Variants in KAZN observed in about 807,000 individuals in gnomAD.
KAZN encodes the protein kazrin.
In KAZN, 40 loss-of-function variants were observed where a neutral mutation model predicts 87.4. The ratio of observed to expected loss-of-function variants is 0.46; its 90% CI spans 0.36 to 0.60. KAZN has a LOEUF of 0.60. Ranked by LOEUF, KAZN falls within the 20% of genes least tolerant of loss-of-function variation. KAZN has a pLI of 0.00. For missense variants in KAZN, 898 were observed against 1,073.9 expected (o/e 0.84, Z 2.29); for synonymous variants, 466 against 458.3 (o/e 1.02, Z -0.22).
At chr1:14,514,474 A>T (rs1433877901) in intron 2 of KAZN, among the ~76,000 whole-genome samples, 1 of 1,010 alleles carries the variant, frequency 9.9e-4, no homozygotes, top group African/African-American at 3.0e-3. Context: ...TTATATAAAT[A>T]TTTTATATAA....
At chr1:14,692,271 TG>T in intron 1 of KAZN, 1 of 698,118 alleles carries the variant, frequency 1.4e-6, no homozygotes, top group Non-Finnish European at 2.1e-6. Flanking sequence ...GATCATCATC[TG>T]GGATTCTTGT....
chr1:14,346,381 C>G (rs138064534), intron 2 of KAZN, among the ~76,000 whole-genome samples: 2 of 152,142 alleles, frequency 1.3e-5, no homozygotes, highest in South Asian at 4.1e-4. Context: ...GGGACAGAAG[C>G]GAATCCCTCT....
chr1:14,522,213 G>A (rs181085625), intron 2 of KAZN, among the ~76,000 whole-genome samples: 16 of 152,230 alleles, frequency 1.1e-4, no homozygotes, highest in African/African-American at 2.9e-4. Context: ...GCATAGGCAC[G>A]GCTGTATAAT....
chr1:14,711,568 T>G (rs74061314), intron 1 of KAZN, among the ~76,000 whole-genome samples: 5,724 of 152,164 alleles, frequency 0.038, 381 homozygotes, highest in African/African-American at 0.13. Context: ...CAAGATTAGG[T>G]TATGAAGGAC....
intron 1 of KAZN, among the ~76,000 whole-genome samples, chr1:14,027,367 G>A (rs1250764389): frequency 6.6e-6 from 1 of 152,172 alleles, no homozygotes; most frequent in Non-Finnish European, 1.5e-5. Context: ...TGATGCTAAT[G>A]CCATAGCTCC....
At chr1:14,677,692 T>G (rs2148752171) in intron 1 of KAZN, among the ~76,000 whole-genome samples, 1 of 152,286 alleles carries the variant, frequency 6.6e-6, no homozygotes, top group Non-Finnish European at 1.5e-5. Flanking sequence ...GCCTTGGGAA[T>G]TATTTATTGA....
At chr1:14,355,011 C>G (rs1658892081) in intron 2 of KAZN, among the ~76,000 whole-genome samples, 2 of 151,786 alleles carry the variant, frequency 1.3e-5, no homozygotes, top group South Asian at 4.2e-4. Context: ...TATTACTGAG[C>G]AATTAAAAAA....
At chr1:14,446,544 C>T (rs1333543573) in intron 2 of KAZN, among the ~76,000 whole-genome samples, 2 of 152,172 alleles carry the variant, frequency 1.3e-5, no homozygotes, top group African/African-American at 4.8e-5. Context: ...TGGTTAATTC[C>T]AGTATGAGCT....
At chr1:14,741,816 T>C (rs1437643316) in intron 1 of KAZN, among the ~76,000 whole-genome samples, 2 of 152,158 alleles carry the variant, frequency 1.3e-5, no homozygotes, top group Non-Finnish European at 2.9e-5. Context: ...AAAATTCCAT[T>C]CTGGTGGCAT....
At chr1:13,935,648 G>A (rs1434264618) in intron 1 of KAZN, among the ~76,000 whole-genome samples, 1 of 152,188 alleles carries the variant, frequency 6.6e-6, no homozygotes, top group Non-Finnish European at 1.5e-5. Context: ...TGGCCTATAA[G>A]CCACAAACAC....
At chr1:14,986,137 G>A (rs541261386) in intron 2 of KAZN, among the ~76,000 whole-genome samples, 28 of 151,998 alleles carry the variant, frequency 1.8e-4, no homozygotes, top group Admixed American at 9.8e-4. Context: ...ATCCTGGATC[G>A]GAGGGGTGAA....
At chr1:15,024,893 C>T (rs1671026915) in intron 2 of KAZN, among the ~76,000 whole-genome samples, 1 of 152,180 alleles carries the variant, frequency 6.6e-6, no homozygotes, top group African/African-American at 2.4e-5. Context: ...CCGAGATCAC[C>T]AGGACTGATG....
rs534887291 is a variant in KAZN at position 14,647,192 on chromosome 1, C to T, written c.226+47969C>T. ...GTAACATATTTTAATAATCATACCC[C>T]GGGGCGCAGTTTTTCCGTTGCATGA... is the stretch of plus-strand genomic sequence containing the variant. On this transcript the variant is annotated intron_variant, in intron 1 of 14. Coordinates refer to ENST00000376030, the MANE Select transcript of KAZN (RefSeq NM_201628.3). Among the ~76,000 whole-genome samples the T allele has an allele frequency of 3.3e-5, 5 of 152,266 alleles. No individual in the cohort carries two copies. The East Asian group carries it at 5.8e-4, about 18-fold the overall frequency.
At chr1:14,010,874 C>T (rs775749186) in intron 1 of KAZN, among the ~76,000 whole-genome samples, 2 of 152,202 alleles carry the variant, frequency 1.3e-5, no homozygotes, top group Non-Finnish European at 2.9e-5. Context: ...ATTTAAATGG[C>T]CATTCTTAAG....
At chr1:14,303,999 G>A (rs1402476603) in intron 2 of KAZN, among the ~76,000 whole-genome samples, 1 of 152,164 alleles carries the variant, frequency 6.6e-6, no homozygotes, top group Non-Finnish European at 1.5e-5. Flanking sequence ...AAATGTTAGC[G>A]AGCTTGTTTT....
intron 2 of KAZN, among the ~76,000 whole-genome samples, chr1:14,289,606 C>A (rs1344789217): frequency 6.6e-6 from 1 of 152,074 alleles, no homozygotes; most frequent in African/African-American, 2.4e-5. Context: ...CCGAATATAG[C>A]ACACTGTTGG....
chr1:14,403,476 GA>G (rs1337657212), intron 2 of KAZN, among the ~76,000 whole-genome samples: 1 of 151,986 alleles, frequency 6.6e-6, no homozygotes, highest in Non-Finnish European at 1.5e-5. Flanking sequence ...GAACAAAATT[GA>G]AAGACAAACC....
chr1:14,505,775 A>C (rs1174090532), intron 2 of KAZN, among the ~76,000 whole-genome samples: 1 of 152,158 alleles, frequency 6.6e-6, no homozygotes. Context: ...GGAGTTTGCG[A>C]CCAGCCTGGG....
At chr1:13,968,977 C>G (rs1241287722) in intron 1 of KAZN, among the ~76,000 whole-genome samples, 1 of 152,202 alleles carries the variant, frequency 6.6e-6, no homozygotes, top group East Asian at 1.9e-4. Flanking sequence ...AGTATCTCAA[C>G]TTATCAAGTC....
Sources: allele counts gnomAD v4.1 joint callset (sites outside exome capture counted in the v4.1 genomes callset), GRCh38; gene constraint gnomAD v4.1.1; transcripts MANE v1.5; gene names NCBI Gene and HGNC (gene_info 2026-07-23, HGNC 2026-07-21).